Variants in DHX9 observed in about 807,000 individuals in gnomAD.
The protein encoded by DHX9 is DExH-box helicase 9.
DHX9 carries 27 observed loss-of-function variants against 148.7 expected under a neutral mutation model. The ratio of observed to expected loss-of-function variants is 0.18; its 90% CI spans 0.13 to 0.25. The LOEUF (loss-of-function observed/expected upper bound fraction) is 0.25, where lower values mean the gene tolerates loss of function less well. Ranked by LOEUF, DHX9 falls within the 10% of genes least tolerant of loss-of-function variation. DHX9 has a pLI of 1.00. For missense variants in DHX9, 796 were observed against 1,559.6 expected (o/e 0.51, Z 8.25); for synonymous variants, 529 against 516.6 (o/e 1.02, Z -0.33).
chr1:182,853,608 A>C (rs527258665), intron 5 of DHX9, among the ~76,000 whole-genome samples, 190 bp downstream of exon 5: 1 of 152,182 alleles, frequency 6.6e-6, no homozygotes, highest in Non-Finnish European at 1.5e-5. Flanking sequence ...CACATTGCCT[A>C]TGGAGGAAAA....
chr1:182,856,229 T>C (rs1437792754), intron 6 of DHX9, among the ~76,000 whole-genome samples: 2 of 152,244 alleles, frequency 1.3e-5, no homozygotes, highest in African/African-American at 4.8e-5. Flanking sequence ...TTGAATGTGT[T>C]CTAGCTCTTG....
intron 21 of DHX9, 25 bp downstream of exon 21, chr1:182,879,435 G>T: frequency 1.4e-6 from 2 of 1,414,940 alleles, no homozygotes; most frequent in South Asian, 3.6e-5. Context: ...AAACCTACTT[G>T]ACGCAGATAT....
At chr1:182,883,863 T>C (rs1315344884) in intron 26 of DHX9, among the ~76,000 whole-genome samples, 1 of 152,164 alleles carries the variant, frequency 6.6e-6, no homozygotes, top group Non-Finnish European at 1.5e-5. Flanking sequence ...GAAGCTTGAG[T>C]ACCCTTTCAC....
At chr1:182,857,039 C>CG (rs1189283935) in intron 7 of DHX9, among the ~76,000 whole-genome samples, 1 of 152,076 alleles carries the variant, frequency 6.6e-6, no homozygotes, top group Non-Finnish European at 1.5e-5. Flanking sequence ...TTAGTGGAGA[C>CG]GGGGTTTCAC....
intron 14 of DHX9, among the ~76,000 whole-genome samples, chr1:182,867,564 G>A (rs111397999): frequency 0.019 from 2,912 of 152,124 alleles, 101 homozygotes; most frequent in African/African-American, 0.067. Flanking sequence ...CACCATGCCC[G>A]ACTGATTTTT....
rs560532302 is a variant in DHX9 at position 182,887,098 on chromosome 1, A to C, written c.3477A>C (p.Pro1159=). 6.2e-6 allele frequency: 10 copies of C among 1,614,194 alleles called. No individual in the cohort carries two copies. The East Asian group carries it at 2.2e-4, about 36-fold the overall frequency. Reference sequence around the variant, plus strand: ...CTTTTCCTAGGTATGGAGATGGTCCACGTCCTCCCAAGATGGCCCGATACG... The same window carrying C: ...CTTTTCCTAGGTATGGAGATGGTCCCCGTCCTCCCAAGATGGCCCGATACG... The part of the protein sequence containing the change: ...MIGSTRYGDG[P]RPPKMARYDN... Residue 1159 remains proline (P), a synonymous_variant, in exon 28 of 28, where the codon CCA becomes CCC. Coordinates refer to ENST00000367549, the MANE Select transcript of DHX9 (RefSeq NM_001357.5).
intron 11 of DHX9, 101 bp from the exon 12 acceptor site, chr1:182,859,892 C>T: frequency 8.4e-7 from 1 of 1,189,170 alleles, no homozygotes; most frequent in Non-Finnish European, 1.2e-6. Context: ...GCGTGAGCCA[C>T]CGCGCCCAGT....
At chr1:182,839,884 G>C (rs968571274) in intron 1 of DHX9, 1 of 152,204 alleles carries the variant, frequency 6.6e-6, no homozygotes, top group African/African-American at 2.4e-5. Context: ...GTGGGTAGAG[G>C]AAAAAAAATT....
In DHX9 at chr1:182,850,352, C is replaced by T. The variant is rs78988081; in HGVS notation, c.253-1881C>T. On this transcript the variant is annotated intron_variant, in intron 3 of 27. Transcript: ENST00000367549. The stretch of plus-strand genomic sequence containing the variant: ...GCTCACACCTGTAATACCAACACTT[C>T]GGGAGATAGAGGCAGGAGGATCTCT... Among the ~76,000 whole-genome samples the T allele has an allele frequency of 2.7e-3, 404 of 151,842 alleles. 4 individuals are homozygous for T. Among genetic ancestry groups the T allele is most frequent in the African/African-American group, 9.2e-3 (382 of 41,412 alleles).
At chr1:182,852,388 C>A in intron 4 of DHX9, 44 bp downstream of exon 4, 2 of 1,347,652 alleles carry the variant, frequency 1.5e-6, no homozygotes, top group Admixed American at 2.1e-5. Context: ...ATAAGATATA[C>A]ACAATCTTGA....
Position 182,876,553 on chromosome 1 carries a change from A to G in DHX9, c.2124+12A>G, listed in dbSNP as rs1255812358. 5 of 1,600,552 alleles carry G rather than the reference A, an allele frequency of 3.1e-6. No homozygotes were observed. Among genetic ancestry groups the G allele is most frequent in the Admixed American group, 3.3e-5 (2 of 59,970 alleles). ...TTGGAGTAACCAAGGTAAATATTAA[A>G]CATTAGAGTGATGGGATTGGAAGTG... is the stretch of plus-strand genomic sequence containing the variant. On this transcript the variant is annotated intron_variant, in intron 18 of 27. Transcript: ENST00000367549.
At position 182,884,818 on chromosome 1, in the gene DHX9, G is replaced by A. The variant is rs1344000328; in HGVS notation, c.3461+5G>A. The A allele has an allele frequency of 1.2e-6, 2 of 1,613,676 alleles. No individual in the cohort carries two copies. Among genetic ancestry groups the A allele is most frequent in the African/African-American group, 1.3e-5 (1 of 74,882 alleles). ...CCTTATGATTGGCAGTACACGGTGA[G>A]TACCAATATACTTCTTACTGAACCA... is the stretch of plus-strand genomic sequence containing the variant. On this transcript the variant is annotated splice_donor_5th_base_variant and intron_variant, in intron 27 of 27. Transcript: ENST00000367549.
rs755874349 is a variant in DHX9, at chr1:182,881,580, A to G, written c.2847A>G (p.Thr949=). 20 of 1,613,528 alleles carry G rather than the reference A, an allele frequency of 1.2e-5. No homozygotes were observed. Among genetic ancestry groups the G allele is most frequent in the South Asian group, 4.4e-5 (4 of 90,804 alleles). ...AGCACAAAAGACTTAATATGGCTAC[A>G]CTAAGAATGACTTGGGAAGCCAAAG... ...FCEHKRLNMA[T]LRMTWEAKVQ... Residue 949 remains threonine, a synonymous_variant, in exon 24 of 28, where the codon ACA becomes ACG. Coordinates refer to ENST00000367549, the MANE Select transcript of DHX9 (RefSeq NM_001357.5).
At chr1:182,856,651 T>C (rs555048000) in intron 7 of DHX9, 73 bp downstream of exon 7, 1 of 1,313,496 alleles carries the variant, frequency 7.6e-7, no homozygotes, top group Admixed American at 1.7e-5. Context: ...AAGTCTTGAG[T>C]CACGTATACA....
At position 182,876,056 on chromosome 1, in the gene DHX9, T is replaced by C. The variant is rs1246283621; in HGVS notation, c.1822T>C (p.Cys608Arg). 6.2e-7 allele frequency: 1 copy of C among 1,613,156 alleles called. No homozygotes were observed. Among genetic ancestry groups the C allele is most frequent in the Non-Finnish European group, 8.5e-7 (1 of 1,179,670 alleles). Residue 608 changes from cysteine (C) to arginine (R), a missense_variant, in exon 17 of 28, where the codon TGC becomes CGC. By Grantham distance (180) the Cys-to-Arg change is radical. Coordinates refer to ENST00000367549, the MANE Select transcript of DHX9 (RefSeq NM_001357.5). Reference protein sequence around the residue: ...DDGGEDDDANCNLICGDEYGP... With the variant: ...DDGGEDDDANRNLICGDEYGP... Reference sequence around the variant, plus strand: ...GTCTCCCTGTTTTTTACAGGCAAATTGCAACTTGATCTGTGGTGATGAATA... The same window carrying C: ...GTCTCCCTGTTTTTTACAGGCAAATCGCAACTTGATCTGTGGTGATGAATA...
intron 15 of DHX9, among the ~76,000 whole-genome samples, chr1:182,873,024 T>C (rs1422662735): frequency 1.3e-5 from 2 of 152,148 alleles, no homozygotes; most frequent in Non-Finnish European, 2.9e-5. Context: ...TGCACTCACT[T>C]GGCTCACTGC....
At chr1:182,850,085 A>C (rs1668107359) in intron 3 of DHX9, among the ~76,000 whole-genome samples, 1 of 149,784 alleles carries the variant, frequency 6.7e-6, no homozygotes, top group African/African-American at 2.5e-5. Flanking sequence ...GGATTCTCTA[A>C]TTATCTTTCT....
intron 3 of DHX9, among the ~76,000 whole-genome samples, chr1:182,843,818 G>A (rs11804869): frequency 0.012 from 1,829 of 152,186 alleles, 32 homozygotes; most frequent in African/African-American, 0.038. Flanking sequence ...CCCCGTAAGC[G>A]ATGAGGTCTT....
intron 27 of DHX9, among the ~76,000 whole-genome samples, chr1:182,885,207 TTTTG>T (rs1649268471): frequency 6.6e-6 from 1 of 152,262 alleles, no homozygotes; most frequent in Non-Finnish European, 1.5e-5. Flanking sequence ...GTATATGTGT[TTTTG>T]TTTATCTTAA....
Sources: allele counts gnomAD v4.1 joint callset (sites outside exome capture counted in the v4.1 genomes callset), GRCh38; gene constraint gnomAD v4.1.1; transcripts MANE v1.5; gene names NCBI Gene and HGNC (gene_info 2026-07-23, HGNC 2026-07-21).